The following PAPPA2 variants were observed in gnomAD, a reference collection of about 807,000 sequenced individuals.
PAPPA2 encodes the protein pappalysin 2.
Under a neutral mutation model 176.4 loss-of-function variants are expected in PAPPA2, and 86 were observed. The ratio of observed to expected loss-of-function variants is 0.49; its 90% CI spans 0.41 to 0.58. PAPPA2 has a LOEUF of 0.58. Ranked by LOEUF, PAPPA2 falls within the 20% of genes least tolerant of loss-of-function variation. The pLI, the probability that PAPPA2 is intolerant of heterozygous loss-of-function variation, is 0.00. For missense variants in PAPPA2, 2,073 were observed against 2,256.9 expected, an observed-to-expected ratio of 0.92 and a Z score of 1.65; for synonymous variants, 809 against 852.2, an observed-to-expected ratio of 0.95 and a Z score of 0.88.
At position 176,721,674 on chromosome 1, in the gene PAPPA2, C is replaced by T. The variant is rs149947740; in HGVS notation, c.3798+9693C>T. Among the ~76,000 whole-genome samples, 3 of 152,146 alleles carry T rather than the reference C, an allele frequency of 2.0e-5. No homozygotes were observed. In the East Asian group the frequency reaches 5.8e-4, roughly 29 times the overall value. ...TTCTTTGAAGGCCATGTCTTTTATTCCCTGGTGCTTTTAATATATTCTCTC... is the reference window on the plus strand; with the variant it reads ...TTCTTTGAAGGCCATGTCTTTTATTTCCTGGTGCTTTTAATATATTCTCTC... On this transcript the variant is annotated intron_variant, in intron 12 of 22. Coordinates refer to ENST00000367662, the MANE Select transcript of PAPPA2 (RefSeq NM_020318.3).
chr1:176,526,901 G>T (rs1458584224), intron 1 of PAPPA2, among the ~76,000 whole-genome samples: 1 of 152,206 alleles, frequency 6.6e-6, no homozygotes, highest in African/African-American at 2.4e-5. Flanking sequence ...AATAATATGA[G>T]ATAACATATG....
At chr1:176,769,527 C>G in intron 15 of PAPPA2, 80 bp from the exon 16 acceptor site, 1 of 1,429,998 alleles carries the variant, frequency 7.0e-7, no homozygotes, top group Non-Finnish European at 9.7e-7. Context: ...AGATAATCAC[C>G]AAGACTCTTC....
chr1:176,776,857 A>G (rs1664479234), intron 17 of PAPPA2, among the ~76,000 whole-genome samples: 1 of 150,294 alleles, frequency 6.7e-6, no homozygotes, highest in Admixed American at 6.7e-5. Context: ...ATATAATAGT[A>G]TATAATTTGA....
intron 21 of PAPPA2, among the ~76,000 whole-genome samples, chr1:176,827,981 G>A (rs1382096037): frequency 6.6e-6 from 1 of 151,914 alleles, no homozygotes; most frequent in African/African-American, 2.4e-5. Flanking sequence ...TAGGCAGAAG[G>A]TGGCTGCCTC....
intron 1 of PAPPA2, among the ~76,000 whole-genome samples, chr1:176,489,590 G>A (rs1185770179): frequency 3.9e-5 from 6 of 152,202 alleles, no homozygotes; most frequent in African/African-American, 1.4e-4. Context: ...TTTGGGGCAA[G>A]CTTTCTGACT....
In PAPPA2 at chr1:176,706,409, G is replaced by T; in HGVS notation, c.3416G>T (p.Cys1139Phe). 1 of 1,613,826 alleles carries T rather than the reference G, an allele frequency of 6.2e-7. No individual in the cohort carries two copies. The highest frequency in any genetic ancestry group is 8.5e-7 in the Non-Finnish European group (1 of 1,179,806). ...DDGDLVSGDG[C>F]SKVCELEEGF... is the part of the protein sequence containing the mutation. ...GGAGACCTTGTGAGCGGAGATGGCT[G>T]CTCCAAGGTGTGTGAGCTGGAGGAA... The change falls in exon 10 of 23, where the codon TGC becomes TTC. Residue 1139 changes from cysteine to phenylalanine, a missense_variant. By Grantham distance (205) the Cys-to-Phe change is radical (BLOSUM62 -2). Transcript: ENST00000367662.
chr1:176,837,653 A>G (rs1158190576), intron 21 of PAPPA2, among the ~76,000 whole-genome samples: 2 of 152,230 alleles, frequency 1.3e-5, no homozygotes, highest in African/African-American at 2.4e-5. Flanking sequence ...AGGTATACAT[A>G]TGGGTGGTGA....
chr1:176,607,689 C>T (rs1017454135), intron 3 of PAPPA2, among the ~76,000 whole-genome samples: 2 of 152,154 alleles, frequency 1.3e-5, no homozygotes, highest in African/African-American at 4.8e-5. Context: ...CCTAATATCT[C>T]TTCAGTTTTT....
At chr1:176,751,499 AAAAC>A (rs1251814248) in intron 14 of PAPPA2, among the ~76,000 whole-genome samples, 8 of 117,120 alleles carry the variant, frequency 6.8e-5, no homozygotes, top group Non-Finnish European at 1.4e-4. Flanking sequence ...TTACAAGAAA[AAAAC>A]AAACAACCCC....
chr1:176,727,439 A>C (rs1661932980), intron 12 of PAPPA2, among the ~76,000 whole-genome samples: 3 of 152,156 alleles, frequency 2.0e-5, no homozygotes, highest in Admixed American at 2.0e-4. Flanking sequence ...ATAGATTTCA[A>C]TACAGTGTGT....
At chr1:176,829,092 A>G (rs1666973352) in intron 21 of PAPPA2, among the ~76,000 whole-genome samples, 1 of 152,238 alleles carries the variant, frequency 6.6e-6, no homozygotes, top group Non-Finnish European at 1.5e-5. Flanking sequence ...CCCCAAAGTG[A>G]AACACTTTCA....
At chr1:176,487,016 C>G (rs1652675290) in intron 1 of PAPPA2, among the ~76,000 whole-genome samples, 1 of 152,012 alleles carries the variant, frequency 6.6e-6, no homozygotes. Flanking sequence ...ACCAGGAAAA[C>G]ATGGCCAAAA....
chr1:176,669,827 A>T (rs1361241872), intron 3 of PAPPA2, among the ~76,000 whole-genome samples: 2 of 152,174 alleles, frequency 1.3e-5, no homozygotes, highest in African/African-American at 4.8e-5. Context: ...AACAATCAGG[A>T]GGCAGAGCAA....
In PAPPA2 at chr1:176,555,958, C is replaced by T. The variant is rs7542047; in HGVS notation, c.-365C>T. On this transcript the variant is annotated 5_prime_UTR_variant, in exon 2 of 23. Coordinates refer to ENST00000367662, the MANE Select transcript of PAPPA2 (RefSeq NM_020318.3). ...CTAGTATCAGTGAGGGGAGGGATTA[C>T]TGAAGAAGAAGGGGGGAAAAAAAAA... is the stretch of plus-strand genomic sequence containing the variant. The T allele has an allele frequency of 6.0e-3, 1,290 of 215,022 alleles. 24 individuals are homozygous for T. Among genetic ancestry groups the T allele is most frequent in the African/African-American group, 0.028 (1,200 of 43,074 alleles). The allele number at this position is 215,022 out of a possible 1,614,324, so 13.3% of individuals were successfully genotyped here.
chr1:176,558,568 TG>T (rs933064364), intron 2 of PAPPA2, among the ~76,000 whole-genome samples: 23 of 151,752 alleles, frequency 1.5e-4, no homozygotes, highest in African/African-American at 5.6e-4. Context: ...TATTTTTGGG[TG>T]GGAGAGGGAG....
chr1:176,536,269 G>A (rs1038128918), intron 1 of PAPPA2, among the ~76,000 whole-genome samples: 1 of 152,178 alleles, frequency 6.6e-6, no homozygotes, highest in East Asian at 1.9e-4. Context: ...GGACTGCTAG[G>A]TAGGGTCCGG....
intron 8 of PAPPA2, among the ~76,000 whole-genome samples, chr1:176,702,377 T>C (rs1393574970): frequency 1.3e-5 from 2 of 152,274 alleles, no homozygotes; most frequent in Non-Finnish European, 2.9e-5. Context: ...AAGCATTTAC[T>C]GCGCATTTAC....
At chr1:176,812,473 A>C (rs1206351444) in intron 21 of PAPPA2, among the ~76,000 whole-genome samples, 1 of 152,144 alleles carries the variant, frequency 6.6e-6, no homozygotes, top group African/African-American at 2.4e-5. Context: ...AAGACTTCTA[A>C]TTGTGCTTCA....
In PAPPA2 at chr1:176,738,554, T is replaced by A. The variant is rs996805111; in HGVS notation, c.3799-1072T>A. ...ACCCTGCTTTTACACTGGGAACAATTTTCCTGGAGCTTCATCACCCTTAGA... is the reference window on the plus strand; with the variant it reads ...ACCCTGCTTTTACACTGGGAACAATATTCCTGGAGCTTCATCACCCTTAGA... On this transcript the variant is annotated intron_variant, in intron 12 of 22. Transcript: ENST00000367662. Among the ~76,000 whole-genome samples, 28 of 152,164 alleles carry A rather than the reference T, an allele frequency of 1.8e-4. 1 individual carries two copies. Among genetic ancestry groups the A allele is most frequent in the Admixed American group, 1.8e-3 (28 of 15,268 alleles).
Sources: gnomAD v4.1 joint callset for allele counts (sites outside exome capture counted in the v4.1 genomes callset) on GRCh38, gnomAD v4.1.1 for gene constraint, MANE v1.5 for transcripts, NCBI Gene and HGNC (gene_info 2026-07-23, HGNC 2026-07-21) for gene names.